The following MYOM1 variants were observed in gnomAD, a reference collection of about 807,000 sequenced individuals.
The protein encoded by MYOM1 is myomesin 1.
A neutral mutation model predicts 205.3 loss-of-function variants in MYOM1; 164 were observed. The observed-to-expected ratio is 0.80, with a 90% CI of 0.70 to 0.91. MYOM1 has a LOEUF of 0.91. Among genes scored for constraint, MYOM1 ranks in the 40% least tolerant of loss-of-function variants. The pLI is 0.00. For synonymous variants in MYOM1, 772 were observed against 789.4 expected (o/e 0.98, Z 0.37); for missense variants, 2,011 against 2,127.3 (o/e 0.95, Z 1.08).
intron 8 of MYOM1, among the ~76,000 whole-genome samples, chr18:3,170,279 C>T (rs957141334): frequency 2.6e-5 from 4 of 152,202 alleles, no homozygotes; most frequent in East Asian, 1.9e-4. Context: ...GGAATTGGAA[C>T]GTCCCTAATA....
the MYOM1 span, among the ~76,000 whole-genome samples, chr18:3,245,737 C>T: frequency 6.6e-6 from 1 of 152,072 alleles, no homozygotes. Flanking sequence ...CTGGCATCTC[C>T]CTCTCCTTTT....
At chr18:3,080,969 T>C (rs2079078653) in intron 33 of MYOM1, among the ~76,000 whole-genome samples, 1 of 151,836 alleles carries the variant, frequency 6.6e-6, no homozygotes, top group African/African-American at 2.4e-5. Context: ...TCGTCTTTAC[T>C]AAAAATACAA....
At chr18:3,224,190 G>A (rs532324634), upstream of MYOM1, among the ~76,000 whole-genome samples, 74 of 152,178 alleles carry the variant, frequency 4.9e-4, 1 homozygote, top group Admixed American at 9.2e-4. Context: ...CTTGTCACCC[G>A]GCTAATTTTT....
At position 3,155,004 on chromosome 18, in the gene MYOM1, G is replaced by T; in HGVS notation, c.1586C>A (p.Ser529Tyr). ...TCCATCGACAGCTGGCTGTTTCCAG[G>T]AGATGATGATATAATCTTTGTTGGC... ...LEANKDYIII[S>Y]WKQPAVDGGS... Residue 529 changes from serine to tyrosine, a missense_variant, in exon 11 of 38, where the codon TCC (serine) becomes TAC (tyrosine). Coordinates refer to ENST00000356443, the MANE Select transcript of MYOM1 (RefSeq NM_003803.4). 2.5e-6 allele frequency: 4 copies of T among 1,613,216 alleles called. No individual in the cohort carries two copies. Among genetic ancestry groups the T allele is most frequent in the Non-Finnish European group, 3.4e-6 (4 of 1,179,550 alleles).
chr18:3,142,060 C>A lies in MYOM1; in HGVS notation c.1904G>T (p.Gly635Val), dbSNP rs766918368. Reference sequence around the variant, plus strand: ...GTCTGTCGGGGGGCCAGGCACAATACCCTCTGAAAAACAACAAGGAAAAAT... The same window carrying A: ...GTCTGTCGGGGGGCCAGGCACAATAACCTCTGAAAAACAACAAGGAAAAAT... Reference protein sequence around the residue: ...IIVTEEEPSEGIVPGPPTDLS... With the variant: ...IIVTEEEPSEVIVPGPPTDLS... Residue 635 changes from glycine to valine, a missense_variant, in exon 14 of 38, where the codon GGT becomes GTT. Physicochemically the swap from Gly to Val is moderately radical, Grantham distance 109 (BLOSUM62 -3). Transcript: ENST00000356443. 9.9e-6 allele frequency: 16 copies of A among 1,613,004 alleles called. No individual in the cohort carries two copies. The Admixed American group carries it at 1.3e-4, about 13-fold the overall frequency.
Position 3,067,641 on chromosome 18 carries a change from C to T in MYOM1, c.4765-86G>A, listed in dbSNP as rs2078912817. On this transcript the variant is annotated intron_variant, in intron 37 of 37. Transcript: ENST00000356443. ...ACAATCTTGCCGGCTGGTGGCTTGG[C>T]ATGACCAAAGGGAGGATAAGTAAAA... is the stretch of plus-strand genomic sequence containing the variant. 4.8e-6 allele frequency: 7 copies of T among 1,458,068 alleles called. No individual in the cohort carries two copies. The East Asian group carries it at 1.4e-4, about 29-fold the overall frequency. The allele number at this position is 1,458,068 out of a possible 1,614,324, so 90.3% of individuals were successfully genotyped here.
chr18:3,159,143 T>G (rs984974035), intron 10 of MYOM1, among the ~76,000 whole-genome samples: 1 of 152,224 alleles, frequency 6.6e-6, no homozygotes, highest in Non-Finnish European at 1.5e-5. Flanking sequence ...AATAAAATGA[T>G]AACACTGGAT....
At chr18:3,134,601 A>G (rs777192209) in intron 16 of MYOM1, 49 bp downstream of exon 16, 2 of 1,551,588 alleles carry the variant, frequency 1.3e-6, no homozygotes, top group South Asian at 1.2e-5. Context: ...GTATGTGTCT[A>G]TGGCAGCTCC....
Position 3,219,847 on chromosome 18 carries a change from C to G in MYOM1, c.-73G>C, listed in dbSNP as rs983062235. On this transcript the variant is annotated 5_prime_UTR_variant, in exon 1 of 38. Coordinates refer to ENST00000356443, the MANE Select transcript of MYOM1 (RefSeq NM_003803.4). The surrounding 1 kb of genome is among the most constrained non-coding windows in gnomAD (Gnocchi z 4.4). ...GGTGGTGGAAATGTTCCGATGAGGCCGAGGAGCTGGATGAGAGAATGAAGA... is the reference window on the plus strand; with the variant it reads ...GGTGGTGGAAATGTTCCGATGAGGCGGAGGAGCTGGATGAGAGAATGAAGA... 1 of 152,168 alleles carries G rather than the reference C, an allele frequency of 6.6e-6. No individual in the cohort carries two copies. Among genetic ancestry groups the G allele is most frequent in the Non-Finnish European group, 1.5e-5 (1 of 68,082 alleles). 9.4% of individuals were successfully genotyped at this position (152,168 alleles called of 1,614,324 possible).
In MYOM1 at chr18:3,129,476, C is replaced by T. The variant is rs764318908; in HGVS notation, c.2550G>A (p.Glu850=). ...CCCTGGAGGCGGTTAGTCCACCAGG[C>T]TCATCGCTCAGTGCGGGACACACAT... ...SPDVCPALSD[E]PGGLTASRGR... is the part of the protein sequence containing the mutation. The change falls in exon 18 of 38, where the codon GAG becomes GAA. Residue 850 remains glutamate, a synonymous_variant. Coordinates refer to ENST00000356443, the MANE Select transcript of MYOM1 (RefSeq NM_003803.4). 8 of 1,613,788 alleles carry T rather than the reference C, an allele frequency of 5.0e-6. No individual in the cohort carries two copies. The highest frequency in any genetic ancestry group is 6.8e-6 in the Non-Finnish European group (8 of 1,179,850).
At chr18:3,072,298 T>G (rs2078967573) in intron 36 of MYOM1, among the ~76,000 whole-genome samples, 1 of 149,106 alleles carries the variant, frequency 6.7e-6, no homozygotes, top group Admixed American at 6.7e-5. Flanking sequence ...ATCCATCCAC[T>G]TCAGCCTCTG....
Position 3,116,428 on chromosome 18 carries a change from G to A in MYOM1, c.3206C>T (p.Pro1069Leu), listed in dbSNP as rs761782867. The A allele has an allele frequency of 3.0e-5, 49 of 1,613,740 alleles. No homozygotes were observed. Among genetic ancestry groups the A allele is most frequent in the Non-Finnish European group, 3.8e-5 (45 of 1,179,808 alleles). Residue 1069 changes from proline to leucine, a missense_variant, in exon 21 of 38, where the codon CCG becomes CTG. By Grantham distance (98) the Pro-to-Leu change is moderately conservative. Transcript: ENST00000356443. ...CAAGTCCACGAAGTAACCAGTGACC[G>A]GAGTCCGCCCGGAGTGGACTGGCGG... ...WKPPVHSGRTPVTGYFVDLKE... is the reference protein window; with the variant it reads ...WKPPVHSGRTLVTGYFVDLKE...
At chr18:3,232,197 G>GCA in the MYOM1 span, among the ~76,000 whole-genome samples, 16 of 151,836 alleles carry the variant, frequency 1.1e-4, 2 homozygotes, top group South Asian at 2.5e-3. Flanking sequence ...GGGTGTTGTG[G>GCA]CACACTCCTG....
intron 9 of MYOM1, among the ~76,000 whole-genome samples, chr18:3,167,608 C>T (rs1157784922): frequency 6.6e-6 from 1 of 152,206 alleles, no homozygotes; most frequent in Non-Finnish European, 1.5e-5. Flanking sequence ...TGGTCTCAAA[C>T]TCCTGACCTC....
At chr18:3,120,633 G>A (rs1044906185) in intron 19 of MYOM1, among the ~76,000 whole-genome samples, 13 of 152,178 alleles carry the variant, frequency 8.5e-5, no homozygotes, top group South Asian at 4.1e-4. Flanking sequence ...CAAGGACACC[G>A]TGATACAACA....
intron 36 of MYOM1, among the ~76,000 whole-genome samples, chr18:3,073,389 C>T (rs116282111): frequency 0.024 from 3,591 of 152,282 alleles, 150 homozygotes; most frequent in African/African-American, 0.082. Flanking sequence ...TCTCATTTTT[C>T]GGCCTGCTTC....
intron 11 of MYOM1, among the ~76,000 whole-genome samples, chr18:3,153,220 C>A (rs531947131): frequency 1.2e-4 from 19 of 152,288 alleles, no homozygotes; most frequent in African/African-American, 3.9e-4. Flanking sequence ...TTCCGCAGCA[C>A]GTTGGAGCAG....
At chr18:3,114,541 CT>C (rs2079575923) in intron 21 of MYOM1, among the ~76,000 whole-genome samples, 1 of 108,466 alleles carries the variant, frequency 9.2e-6, no homozygotes, top group African/African-American at 3.7e-5. Flanking sequence ...CCATGGTCAG[CT>C]AATTTTTTTT....
chr18:3,134,538 G>T, intron 16 of MYOM1, 112 bp downstream of exon 16: 1 of 1,211,788 alleles, frequency 8.3e-7, no homozygotes, highest in Non-Finnish European at 1.1e-6. Flanking sequence ...ACCACATCCA[G>T]CCAAAAAGTA....
Sources: gnomAD v4.1 joint callset for allele counts (sites outside exome capture counted in the v4.1 genomes callset) on GRCh38, gnomAD v4.1.1 for gene constraint, Gnocchi (gnomAD v3.1) non-coding constraint, MANE v1.5 for transcripts, NCBI Gene and HGNC (gene_info 2026-07-23, HGNC 2026-07-21) for gene names.